The following TBC1D15 variants were observed in gnomAD, a reference collection of about 807,000 sequenced individuals.
The protein encoded by TBC1D15 is TBC1 domain family member 15, also known as GAP for RAB7.
Under a neutral mutation model 95.4 loss-of-function variants are expected in TBC1D15, and 39 were observed. The observed-to-expected ratio is 0.41, with a 90% CI of 0.32 to 0.53. The LOEUF is 0.53. TBC1D15 is among the 20% of genes least tolerant of loss of function. TBC1D15 has a pLI of 0.29. For missense variants in TBC1D15, 733 were observed against 794.3 expected (o/e 0.92, Z 0.93); for synonymous variants, 258 against 261.3 (o/e 0.99, Z 0.12).
At chr12:71,876,389 A>G (rs548428553) in intron 3 of TBC1D15, among the ~76,000 whole-genome samples, 1 of 152,228 alleles carries the variant, frequency 6.6e-6, no homozygotes, top group South Asian at 2.1e-4. Flanking sequence ...ATCACCTTGA[A>G]ACTCTTGCTC....
chr12:71,850,618 C>T lies in TBC1D15; in HGVS notation c.30+10807C>T, dbSNP rs114988487. Among the ~76,000 whole-genome samples the T allele has an allele frequency of 5.5e-3, 830 of 152,138 alleles. 7 individuals carry two copies. The highest frequency in any genetic ancestry group is 0.019 in the African/African-American group (797 of 41,480). The stretch of plus-strand genomic sequence containing the variant: ...TGGACGTGGGGTCTAGCTGTGTTGC[C>T]GAGGCTGGTCTTGAACTCCTGCCCT... On this transcript the variant is annotated intron_variant, in intron 1 of 16. Transcript: ENST00000485960.
At chr12:71,872,318 T>A (rs1439911897) in intron 2 of TBC1D15, 150 bp downstream of exon 2, 2 of 485,544 alleles carry the variant, frequency 4.1e-6, no homozygotes, top group African/African-American at 2.0e-5. Context: ...GATGTAATAG[T>A]CAAACACACG....
chr12:71,906,597 CAA>C, intron 10 of TBC1D15, among the ~76,000 whole-genome samples: 1 of 149,430 alleles, frequency 6.7e-6, no homozygotes, highest in Non-Finnish European at 1.5e-5. Flanking sequence ...GTGAATGAAA[CAA>C]ATCTCTTTGA....
chr12:71,897,046 A>G (rs1566035346), intron 9 of TBC1D15, among the ~76,000 whole-genome samples: 1 of 152,160 alleles, frequency 6.6e-6, no homozygotes, highest in Non-Finnish European at 1.5e-5. Context: ...AGCCTTTTGC[A>G]TACTTGAAAG....
chr12:71,916,306 C>T (rs1257241902), intron 12 of TBC1D15, among the ~76,000 whole-genome samples: 1 of 152,098 alleles, frequency 6.6e-6, no homozygotes, highest in Non-Finnish European at 1.5e-5. Context: ...TTCTTTTTTA[C>T]AGCAGAGTGG....
In TBC1D15 at chr12:71,872,172, A is replaced by C. The variant is rs149450395; in HGVS notation, c.129+4A>C. On this transcript the variant is annotated splice_donor_region_variant and intron_variant, in intron 2 of 16. Coordinates refer to ENST00000485960, the MANE Select transcript of TBC1D15 (RefSeq NM_001146213.3). The stretch of plus-strand genomic sequence containing the variant: ...AATATTACGTGTTTTAGAAAAGGTA[A>C]GTTTCTAGTAAATGATTTTATTTAA... 1.3e-6 allele frequency: 2 copies of C among 1,498,218 alleles called. No individual in the cohort carries two copies. The highest frequency in any genetic ancestry group is 2.4e-5 in the East Asian group (1 of 41,508). 92.8% of individuals were successfully genotyped at this position (1,498,218 alleles called of 1,614,324 possible).
At chr12:71,861,376 A>G in intron 1 of TBC1D15, 1 of 1,259,020 alleles carries the variant, frequency 7.9e-7, no homozygotes. Context: ...ACTGATTCAA[A>G]CTTACTGTAC....
At chr12:71,854,652 T>A (rs548018756) in intron 1 of TBC1D15, 1 of 456,636 alleles carries the variant, frequency 2.2e-6, no homozygotes, top group South Asian at 1.5e-5. Flanking sequence ...CTGAAGGTCA[T>A]CATCATATAC....
At chr12:71,869,648 T>G (rs1317246749) in intron 1 of TBC1D15, among the ~76,000 whole-genome samples, 1 of 152,188 alleles carries the variant, frequency 6.6e-6, no homozygotes, top group Non-Finnish European at 1.5e-5. Context: ...ATACATATGC[T>G]GAACAAGTCT....
intron 1 of TBC1D15, among the ~76,000 whole-genome samples, chr12:71,860,704 G>T (rs1244952928): frequency 6.6e-6 from 1 of 152,090 alleles, no homozygotes; most frequent in Non-Finnish European, 1.5e-5. Context: ...TTACAATTTG[G>T]ATGTCTTTTC....
intron 3 of TBC1D15, among the ~76,000 whole-genome samples, chr12:71,876,601 C>A (rs1033904906): frequency 6.6e-6 from 1 of 152,150 alleles, no homozygotes; most frequent in Non-Finnish European, 1.5e-5. Context: ...GTATCCCATG[C>A]CAACCTCTGT....
rs746284039 is a variant in TBC1D15 at position 71,895,974 on chromosome 12, C to G, written c.883C>G (p.Gln295Glu). 1 of 1,612,266 alleles carries G rather than the reference C, an allele frequency of 6.2e-7. No individual in the cohort carries two copies. The highest frequency in any genetic ancestry group is 8.5e-7 in the Non-Finnish European group (1 of 1,178,852). ...RIDLGERPVV[Q>E]RREPVSLEEW... is the part of the protein sequence containing the mutation. ...TGATTTGGGGGAACGCCCTGTTGTT[C>G]AAAGGAGAGAACCGGTATCACTGGA... is the stretch of plus-strand genomic sequence containing the variant. The change falls in exon 8 of 17, where the codon CAA becomes GAA. Residue 295 changes from glutamine to glutamate, a missense_variant. Coordinates refer to ENST00000485960, the MANE Select transcript of TBC1D15 (RefSeq NM_001146213.3).
At chr12:71,880,307 T>TTC (rs202224276) in intron 3 of TBC1D15, among the ~76,000 whole-genome samples, 162 bp from the exon 4 acceptor site, 13 of 151,186 alleles carry the variant, frequency 8.6e-5, no homozygotes, top group African/African-American at 3.2e-4. Flanking sequence ...TTTTTTTTTT[T>TTC]CATAAAGATG....
At chr12:71,884,726 T>G (rs975954655) in intron 4 of TBC1D15, 85 bp from the exon 5 acceptor site, 2 of 1,290,958 alleles carry the variant, frequency 1.5e-6, no homozygotes, top group African/African-American at 1.5e-5. Context: ...TTCAACTAAT[T>G]TATGTTAGGC....
intron 1 of TBC1D15, among the ~76,000 whole-genome samples, chr12:71,865,583 C>T (rs547931344): frequency 6.6e-6 from 1 of 152,136 alleles, no homozygotes; most frequent in Non-Finnish European, 1.5e-5. Context: ...GGTTTGGGCC[C>T]CAGGAGAGGG....
intron 1 of TBC1D15, among the ~76,000 whole-genome samples, chr12:71,867,065 G>A (rs1267980330): frequency 6.6e-6 from 1 of 152,212 alleles, no homozygotes; most frequent in African/African-American, 2.4e-5. Flanking sequence ...TCTAAACCAA[G>A]ATGATATGAA....
chr12:71,904,653 G>T (rs1253050260), intron 10 of TBC1D15, among the ~76,000 whole-genome samples: 4 of 152,110 alleles, frequency 2.6e-5, no homozygotes, highest in African/African-American at 9.7e-5. Flanking sequence ...CAGAGTTATG[G>T]AAACTCATTT....
chr12:71,849,602 C>A, intron 1 of TBC1D15: 1 of 620,902 alleles, frequency 1.6e-6, no homozygotes, highest in South Asian at 1.6e-5. Flanking sequence ...AATCATCAGT[C>A]AGTACCGTAA....
At chr12:71,862,218 A>AT (rs138801396) in intron 1 of TBC1D15, among the ~76,000 whole-genome samples, 39 of 148,360 alleles carry the variant, frequency 2.6e-4, no homozygotes, top group African/African-American at 7.2e-4. Flanking sequence ...GCTTAAATCC[A>AT]TTTTTTTTTT....
Sources: allele counts gnomAD v4.1 joint callset (sites outside exome capture counted in the v4.1 genomes callset), GRCh38; gene constraint gnomAD v4.1.1; transcripts MANE v1.5; gene names NCBI Gene and HGNC (gene_info 2026-07-23, HGNC 2026-07-21).